The following CALN1 variants were observed in gnomAD, a reference collection of about 807,000 sequenced individuals.
CALN1 encodes the protein calcium-binding protein 8.
A neutral mutation model predicts 30.6 loss-of-function variants in CALN1; 17 were observed. The observed-to-expected ratio is 0.56, with a 90% CI of 0.38 to 0.83. CALN1 has a LOEUF of 0.83. CALN1 is among the 40% of genes least tolerant of loss of function. The pLI, the probability that CALN1 is intolerant of heterozygous loss-of-function variation, is 0.00. For synonymous variants in CALN1, 156 were observed against 131.4 expected, an observed-to-expected ratio of 1.19 and a Z score of -1.28; for missense variants, 291 against 354.9, an observed-to-expected ratio of 0.82 and a Z score of 1.45.
intron 4 of CALN1, among the ~76,000 whole-genome samples, chr7:72,057,213 C>T (rs796380727): frequency 8.5e-5 from 13 of 152,190 alleles, no homozygotes; most frequent in African/African-American, 3.1e-4. Flanking sequence ...TCCCAAAATG[C>T]TGGAATTACA....
In CALN1 at chr7:72,106,878, A is replaced by C. The variant is rs1033617459; in HGVS notation, c.245-584T>G. On this transcript the variant is annotated intron_variant, in intron 3 of 6. Coordinates refer to ENST00000395275, the MANE Select transcript of CALN1 (RefSeq NM_031468.4). ...GAAGGAAGGAGGAAGGAAGGAAGGA[A>C]AAAAGGAAAGAAGAAAGAAAAAGGA... Among the ~76,000 whole-genome samples, 49 of 146,104 alleles carry C rather than the reference A, an allele frequency of 3.4e-4. 1 individual carries two copies. Among genetic ancestry groups the C allele is most frequent in the Non-Finnish European group, 1.1e-4 (7 of 65,612 alleles).
chr7:72,224,349 T>C (rs557098385), intron 3 of CALN1, among the ~76,000 whole-genome samples: 7 of 152,316 alleles, frequency 4.6e-5, no homozygotes, highest in East Asian at 1.9e-4. Context: ...CTTCAGTTCC[T>C]AAGTCATATG....
chr7:72,197,746 C>A (rs1278782693), intron 3 of CALN1, among the ~76,000 whole-genome samples: 1 of 152,010 alleles, frequency 6.6e-6, no homozygotes, highest in Non-Finnish European at 1.5e-5. Flanking sequence ...GTTTTTGCTA[C>A]CTGGGAGGCT....
chr7:72,328,286 A>T (rs1333622021), intron 2 of CALN1, among the ~76,000 whole-genome samples: 2 of 152,172 alleles, frequency 1.3e-5, no homozygotes, highest in African/African-American at 4.8e-5. Flanking sequence ...GGTGGAGATA[A>T]TTGAATCATG....
intron 5 of CALN1, among the ~76,000 whole-genome samples, chr7:72,002,483 T>C (rs1165675903): frequency 6.6e-6 from 1 of 152,122 alleles, no homozygotes; most frequent in African/African-American, 2.4e-5. Flanking sequence ...TTTGCATCAT[T>C]ATAAAGTTGA....
chr7:72,200,368 C>T (rs1157675058), intron 3 of CALN1, among the ~76,000 whole-genome samples: 1 of 152,164 alleles, frequency 6.6e-6, no homozygotes, highest in South Asian at 2.1e-4. Flanking sequence ...TAGTGCCTAC[C>T]TCATATTTTA....
chr7:72,394,573 G>C (rs189568235), intron 2 of CALN1, among the ~76,000 whole-genome samples: 59 of 151,936 alleles, frequency 3.9e-4, no homozygotes, highest in Admixed American at 3.7e-3. Flanking sequence ...ATAGCAATGT[G>C]ATCACATTCA....
chr7:72,176,187 G>C (rs1789339202), intron 3 of CALN1, among the ~76,000 whole-genome samples: 1 of 152,048 alleles, frequency 6.6e-6, no homozygotes, highest in African/African-American at 2.4e-5. Context: ...AAATAAACCT[G>C]TCTTTGACTG....
chr7:72,191,890 C>T (rs1385731757), intron 3 of CALN1, among the ~76,000 whole-genome samples: 2 of 152,146 alleles, frequency 1.3e-5, no homozygotes, highest in African/African-American at 2.4e-5. Flanking sequence ...GGCTAGCACC[C>T]GTTTCCTTGC....
chr7:72,044,688 T>G (rs1348741694), intron 4 of CALN1, among the ~76,000 whole-genome samples: 19 of 147,982 alleles, frequency 1.3e-4, no homozygotes, highest in Non-Finnish European at 3.0e-5. Flanking sequence ...CACAGCTCAT[T>G]GCAGGCTCGA....
intron 5 of CALN1, among the ~76,000 whole-genome samples, chr7:71,992,575 C>G (rs1355428714): frequency 6.6e-6 from 1 of 152,130 alleles, no homozygotes; most frequent in African/African-American, 2.4e-5. Flanking sequence ...CCAGGTTTGT[C>G]TCAAACTCCT....
At chr7:71,908,422 A>T (rs762382705) in intron 5 of CALN1, among the ~76,000 whole-genome samples, 5 of 152,216 alleles carry the variant, frequency 3.3e-5, no homozygotes, top group Admixed American at 6.5e-5. Flanking sequence ...GTGAAGACAG[A>T]ACATAAATCA....
At chr7:71,796,666 G>GT (rs1786948308) in intron 6 of CALN1, among the ~76,000 whole-genome samples, 1 of 152,060 alleles carries the variant, frequency 6.6e-6, no homozygotes, top group South Asian at 2.1e-4. Context: ...CTTATGTTTC[G>GT]TTTTTTCAAG....
At chr7:72,369,117 A>C (rs894900867) in intron 2 of CALN1, among the ~76,000 whole-genome samples, 5 of 151,466 alleles carry the variant, frequency 3.3e-5, no homozygotes, top group African/African-American at 9.7e-5. Context: ...ACCCAGCCTG[A>C]AAACTCATTT....
chr7:72,265,768 G>T (rs557459653), intron 3 of CALN1, among the ~76,000 whole-genome samples: 3 of 152,022 alleles, frequency 2.0e-5, no homozygotes, highest in East Asian at 1.9e-4. Flanking sequence ...TCTCATGCAG[G>T]GTTCTTAGAA....
At chr7:72,222,504 T>C (rs989541516) in intron 3 of CALN1, among the ~76,000 whole-genome samples, 1 of 152,184 alleles carries the variant, frequency 6.6e-6, no homozygotes, top group Non-Finnish European at 1.5e-5. Flanking sequence ...AGGATGGTGC[T>C]AAACCATTCA....
intron 2 of CALN1, among the ~76,000 whole-genome samples, chr7:72,309,545 G>A (rs1162722349): frequency 2.6e-5 from 4 of 152,036 alleles, no homozygotes; most frequent in Admixed American, 6.6e-5. Context: ...CTCAAGGAAC[G>A]GCAACATGCG....
At chr7:72,364,546 A>C (rs1803767754) in intron 2 of CALN1, among the ~76,000 whole-genome samples, 1 of 152,226 alleles carries the variant, frequency 6.6e-6, no homozygotes, top group Non-Finnish European at 1.5e-5. Context: ...TATAGCACAA[A>C]TTCTTAGAAA....
intron 4 of CALN1, among the ~76,000 whole-genome samples, chr7:72,040,095 T>C (rs1223059630): frequency 1.3e-5 from 2 of 152,110 alleles, no homozygotes; most frequent in African/African-American, 2.4e-5. Context: ...AAAACACCCC[T>C]TCCCCACCCT....
Sources: allele counts gnomAD v4.1 joint callset (sites outside exome capture counted in the v4.1 genomes callset), GRCh38; gene constraint gnomAD v4.1.1; transcripts MANE v1.5; gene names NCBI Gene and HGNC (gene_info 2026-07-23, HGNC 2026-07-21).